HRH1: variants seen among roughly 807,000 people sequenced by gnomAD.
The protein encoded by HRH1 is histamine H1 receptor.
In HRH1, 6 loss-of-function variants were observed where a neutral mutation model predicts 10.3. The ratio of observed to expected loss-of-function variants is 0.58; its 90% CI spans 0.32 to 1.15. The LOEUF (loss-of-function observed/expected upper bound fraction) is 1.15, where lower values mean the gene tolerates loss of function less well. Among genes scored for constraint, HRH1 ranks in the 50% most tolerant of loss-of-function variants. The probability of loss-of-function intolerance (pLI) is 0.05; values close to 1 mark genes in which losing one functional copy is unlikely to be tolerated. For synonymous variants in HRH1, 242 were observed against 236.7 expected, an observed-to-expected ratio of 1.02 and a Z score of -0.21; for missense variants, 514 against 615.3, an observed-to-expected ratio of 0.84 and a Z score of 1.74.
chr3:11,206,870 C>G (rs780565406), intron 1 of HRH1, among the ~76,000 whole-genome samples: 1 of 152,134 alleles, frequency 6.6e-6, no homozygotes, highest in Non-Finnish European at 1.5e-5. Context: ...AAGGGACAGA[C>G]AAGGGAAAGT....
intron 1 of HRH1, among the ~76,000 whole-genome samples, chr3:11,237,594 T>C (rs1159327359): frequency 1.3e-5 from 2 of 150,246 alleles, no homozygotes; most frequent in Non-Finnish European, 3.0e-5. Flanking sequence ...GATTGAGGAT[T>C]AAACGATGCA....
chr3:11,208,475 G>C (rs946264404), intron 1 of HRH1, among the ~76,000 whole-genome samples: 1 of 151,802 alleles, frequency 6.6e-6, no homozygotes, highest in African/African-American at 2.4e-5. Context: ...GTTTTTTGAG[G>C]GTTTTTTTGC....
intron 1 of HRH1, among the ~76,000 whole-genome samples, chr3:11,162,699 G>A (rs73012511): frequency 0.068 from 10,273 of 151,848 alleles, 488 homozygotes; most frequent in South Asian, 0.19. Flanking sequence ...CCTTGGACTG[G>A]CAGTGGCCAA....
chr3:11,231,808 A>G (rs895392832), intron 1 of HRH1, among the ~76,000 whole-genome samples: 1 of 152,082 alleles, frequency 6.6e-6, no homozygotes, highest in East Asian at 1.9e-4. Flanking sequence ...GGTCTTTCAC[A>G]GAACGAAAAT....
intron 1 of HRH1, among the ~76,000 whole-genome samples, chr3:11,212,086 A>G (rs996195500): frequency 2.6e-5 from 4 of 152,136 alleles, no homozygotes; most frequent in Admixed American, 1.3e-4. Flanking sequence ...TGGGAATGCC[A>G]GGGCACACGC....
At chr3:11,167,066 GC>G (rs1465698361) in intron 1 of HRH1, among the ~76,000 whole-genome samples, 1 of 1,140 alleles carries the variant, frequency 8.8e-4, no homozygotes, top group Non-Finnish European at 2.0e-3. Context: ...AGTGACATCT[GC>G]TGGTCCCCTG....
intron 1 of HRH1, among the ~76,000 whole-genome samples, chr3:11,145,929 G>C (rs1009759652): frequency 4.6e-5 from 7 of 152,172 alleles, no homozygotes; most frequent in African/African-American, 1.7e-4. Context: ...CATTGCTGTA[G>C]AGTATCCCAC....
chr3:11,207,094 A>G (rs1183412133), intron 1 of HRH1, among the ~76,000 whole-genome samples: 1 of 152,086 alleles, frequency 6.6e-6, no homozygotes, highest in Non-Finnish European at 1.5e-5. Context: ...GTGCAGTGGC[A>G]TGGAGGTGTG....
At chr3:11,147,725 CTAT>C (rs997921005) in intron 1 of HRH1, among the ~76,000 whole-genome samples, 3 of 152,188 alleles carry the variant, frequency 2.0e-5, no homozygotes, top group African/African-American at 7.2e-5. Flanking sequence ...GAAGCTGATA[CTAT>C]TATTATCCCC....
intron 1 of HRH1, among the ~76,000 whole-genome samples, chr3:11,170,901 A>G (rs1262932040): frequency 6.6e-6 from 1 of 152,158 alleles, no homozygotes; most frequent in Non-Finnish European, 1.5e-5. Context: ...GAGATAGGTT[A>G]AAGTCAAGCA....
Position 11,239,271 on chromosome 3 carries a change from G to C in HRH1, c.-35-19732G>C, listed in dbSNP as rs920323400. 3.3e-5 allele frequency among the ~76,000 whole-genome samples: 5 copies of C among 152,258 alleles called. No individual in the cohort carries two copies. In the East Asian group the frequency reaches 9.6e-4, roughly 29 times the overall value. ...CATTTCCCTAATGACTAATGATGTT[G>C]AACATCCTTTCATGTGCTTTTGAGC... On this transcript the variant is annotated intron_variant, in intron 1 of 1. Transcript: ENST00000431010.
At chr3:11,156,391 C>G (rs1486504552) in intron 1 of HRH1, among the ~76,000 whole-genome samples, 1 of 152,234 alleles carries the variant, frequency 6.6e-6, no homozygotes, top group East Asian at 1.9e-4. Context: ...CTTCCTGACC[C>G]TCAGCTGAGT....
At chr3:11,204,866 C>T (rs1389768628) in intron 1 of HRH1, among the ~76,000 whole-genome samples, 1 of 152,160 alleles carries the variant, frequency 6.6e-6, no homozygotes, top group Non-Finnish European at 1.5e-5. Flanking sequence ...GGTGCAGTCC[C>T]CGCTGGGTAG....
At chr3:11,187,638 C>A (rs1008659083) in intron 1 of HRH1, among the ~76,000 whole-genome samples, 8 of 152,106 alleles carry the variant, frequency 5.3e-5, no homozygotes, top group Non-Finnish European at 1.2e-4. Flanking sequence ...TCATATTTGG[C>A]AAACTTATGC....
chr3:11,158,044 C>T (rs928673176), intron 1 of HRH1, among the ~76,000 whole-genome samples: 4 of 152,292 alleles, frequency 2.6e-5, no homozygotes, highest in South Asian at 2.1e-4. Flanking sequence ...TGAATGTCTA[C>T]GGAATGGATG....
At chr3:11,186,744 G>T (rs965993584) in intron 1 of HRH1, among the ~76,000 whole-genome samples, 19 of 152,116 alleles carry the variant, frequency 1.2e-4, no homozygotes, top group Non-Finnish European at 1.5e-5. Context: ...GGTTGTTTTG[G>T]GCTAACACTT....
chr3:11,150,923 ATCC>A (rs1936599468), upstream of HRH1, among the ~76,000 whole-genome samples: 1 of 152,200 alleles, frequency 6.6e-6, no homozygotes, highest in Admixed American at 6.5e-5. Context: ...AGCTTATCTA[ATCC>A]TGACAACAGC....
chr3:11,246,615 A>G (rs894384939), intron 1 of HRH1, among the ~76,000 whole-genome samples: 1 of 152,234 alleles, frequency 6.6e-6, no homozygotes, highest in Non-Finnish European at 1.5e-5. Flanking sequence ...TTCATTTCAC[A>G]GTACATTGCA....
At position 11,248,306 on chromosome 3, in the gene HRH1, G is replaced by A. The variant is rs566974482; in HGVS notation, c.-35-10697G>A. On this transcript the variant is annotated intron_variant, in intron 1 of 1. Coordinates refer to ENST00000431010, the MANE Select transcript of HRH1 (RefSeq NM_001098212.2). Reference sequence around the variant, plus strand: ...TATAATTTATTCAAGCTACATTCTTGTTTACAGTTGACCACCAGAACAATA... The same window carrying A: ...TATAATTTATTCAAGCTACATTCTTATTTACAGTTGACCACCAGAACAATA... 8.5e-5 allele frequency among the ~76,000 whole-genome samples: 13 copies of A among 152,240 alleles called. No individual in the cohort carries two copies. The East Asian group carries it at 2.5e-3, about 29-fold the overall frequency.
Sources: gnomAD v4.1 joint callset for allele counts (sites outside exome capture counted in the v4.1 genomes callset) on GRCh38, gnomAD v4.1.1 for gene constraint, MANE v1.5 for transcripts, NCBI Gene and HGNC (gene_info 2026-07-23, HGNC 2026-07-21) for gene names.